PRDM6: variants seen among roughly 807,000 people sequenced by gnomAD.
PRDM6 encodes the protein PR/SET domain 6, also known as putative histone-lysine N-methyltransferase PRDM6.
Under a neutral mutation model 60.8 loss-of-function variants are expected in PRDM6, and 25 were observed. The ratio of observed to expected loss-of-function variants is 0.41; its 90% CI spans 0.30 to 0.57. PRDM6 has a LOEUF of 0.57. Ranked by LOEUF, PRDM6 falls within the 20% of genes least tolerant of loss-of-function variation. PRDM6 has a pLI of 0.27. For missense variants in PRDM6, 839 were observed against 821.3 expected, an observed-to-expected ratio of 1.02 and a Z score of -0.26; for synonymous variants, 407 against 357.4, an observed-to-expected ratio of 1.14 and a Z score of -1.57.
chr5:123,159,413 T>C, intron 4 of PRDM6, 101 bp from the exon 5 acceptor site: 1 of 1,305,418 alleles, frequency 7.7e-7, no homozygotes, highest in Admixed American at 2.6e-5. Context: ...AGAAACTGTT[T>C]AGATGGAGCT....
At chr5:123,186,781 C>G (rs569314580) in intron 7 of PRDM6, among the ~76,000 whole-genome samples, 120 of 152,346 alleles carry the variant, frequency 7.9e-4, no homozygotes, top group Non-Finnish European at 1.4e-3. Context: ...TGATGGCTCA[C>G]TCCTAAAAAT....
In PRDM6 at chr5:123,166,169, C is replaced by T. The variant is rs6865712; in HGVS notation, c.1154-4597C>T. On this transcript the variant is annotated intron_variant, in intron 5 of 7. Coordinates refer to ENST00000407847, the MANE Select transcript of PRDM6 (RefSeq NM_001136239.4). ...TTCCTCTCAAGCCTCGGCTGCAGCC[C>T]ATCTCCTCTTCTCTCTCTGGCCACA... Among the ~76,000 whole-genome samples, 880 of 151,900 alleles carry T rather than the reference C, an allele frequency of 5.8e-3. 8 individuals are homozygous for T. Among genetic ancestry groups the T allele is most frequent in the African/African-American group, 0.02 (843 of 41,420 alleles).
At chr5:123,101,203 T>C (rs1764095621) in intron 3 of PRDM6, among the ~76,000 whole-genome samples, 1 of 152,136 alleles carries the variant, frequency 6.6e-6, no homozygotes, top group Admixed American at 6.6e-5. Context: ...TATTAGGCCA[T>C]GGAGATACAG....
At chr5:123,101,733 T>A (rs910011255) in intron 3 of PRDM6, among the ~76,000 whole-genome samples, 2 of 152,232 alleles carry the variant, frequency 1.3e-5, no homozygotes, top group African/African-American at 4.8e-5. Context: ...TGTGGGTTTT[T>A]TCCCCCCCAG....
intron 6 of PRDM6, among the ~76,000 whole-genome samples, chr5:123,174,517 G>C (rs1245491637): frequency 6.6e-6 from 1 of 152,220 alleles, no homozygotes; most frequent in African/African-American, 2.4e-5. Flanking sequence ...GTCCAAATTT[G>C]AAACAGGCCC....
intron 5 of PRDM6, among the ~76,000 whole-genome samples, chr5:123,166,840 A>G (rs1765763054): frequency 6.6e-6 from 1 of 152,236 alleles, no homozygotes; most frequent in Non-Finnish European, 1.5e-5. Flanking sequence ...TGTATCCTTT[A>G]AGGCTTTGAG....
intron 2 of PRDM6, 24 bp downstream of exon 2, chr5:123,090,630 T>A: frequency 7.4e-7 from 1 of 1,358,976 alleles, no homozygotes; most frequent in Non-Finnish European, 9.6e-7. Flanking sequence ...GCCCGCGCGC[T>A]CTCTCCCGGG....
At chr5:123,104,920 G>A (rs572229746) in intron 3 of PRDM6, among the ~76,000 whole-genome samples, 3 of 152,150 alleles carry the variant, frequency 2.0e-5, no homozygotes, top group Admixed American at 1.3e-4. Flanking sequence ...TGGTCCTTTT[G>A]GTTTATGTAT....
intron 7 of PRDM6, among the ~76,000 whole-genome samples, chr5:123,180,919 A>C (rs1457623769): frequency 6.6e-6 from 1 of 152,342 alleles, no homozygotes. Flanking sequence ...CCCAGAGTAC[A>C]TTGACTTTTT....
chr5:123,148,368 A>G (rs1019462618), intron 3 of PRDM6, among the ~76,000 whole-genome samples: 2 of 152,208 alleles, frequency 1.3e-5, no homozygotes, highest in Admixed American at 1.3e-4. Flanking sequence ...AGACATTCCA[A>G]AATATTCCAG....
intron 6 of PRDM6, 24 bp downstream of exon 6, chr5:123,171,132 CAG>C: frequency 2.4e-5 from 36 of 1,501,798 alleles, no homozygotes; most frequent in Non-Finnish European, 3.1e-5. Flanking sequence ...TCACTGCTGA[CAG>C]TGTGTTTGCT....
intron 3 of PRDM6, among the ~76,000 whole-genome samples, chr5:123,131,961 T>C (rs1275105554): frequency 6.6e-6 from 1 of 152,186 alleles, no homozygotes; most frequent in Non-Finnish European, 1.5e-5. Context: ...AAAGACAAAA[T>C]GGAAATAGTA....
chr5:123,186,194 A>G (rs1323814529), intron 7 of PRDM6, among the ~76,000 whole-genome samples: 1 of 152,170 alleles, frequency 6.6e-6, no homozygotes, highest in East Asian at 1.9e-4. Context: ...CACAATCACA[A>G]TCAGCCAGGG....
At chr5:123,133,606 A>C (rs1231744578) in intron 3 of PRDM6, among the ~76,000 whole-genome samples, 1 of 152,048 alleles carries the variant, frequency 6.6e-6, no homozygotes, top group Non-Finnish European at 1.5e-5. Context: ...TACAACCAAT[A>C]GTGTGTTTGT....
At chr5:123,158,415 T>C (rs896717840) in intron 4 of PRDM6, among the ~76,000 whole-genome samples, 37 of 152,212 alleles carry the variant, frequency 2.4e-4, no homozygotes, top group Admixed American at 1.3e-4. Context: ...TTTTGTCAGA[T>C]ATTCATAGAA....
chr5:123,090,021 A>G lies in PRDM6; in HGVS notation c.7A>G (p.Lys3Glu). Residue 3 changes from lysine (K) to glutamate (E), a missense_variant, in exon 2 of 8, where the codon AAG (lysine) becomes GAG (glutamate). This residue lies in a region of PRDM6 where 730 missense variants were observed against 648.8 expected (regional missense o/e 1.13). Transcript: ENST00000407847. ML[K>E]PGDPGGSAFL... Reference sequence around the variant, plus strand: ...CCAGTTCGAGGCGCCGGACATGCTGAAGCCCGGAGACCCCGGCGGTTCGGC... The same window carrying G: ...CCAGTTCGAGGCGCCGGACATGCTGGAGCCCGGAGACCCCGGCGGTTCGGC... 6.5e-7 allele frequency: 1 copy of G among 1,547,308 alleles called. No homozygotes were observed. Among genetic ancestry groups the G allele is most frequent in the Non-Finnish European group, 8.7e-7 (1 of 1,145,476 alleles).
rs1444345145 is a variant in PRDM6 at position 123,189,216 on chromosome 5, A to G, written c.*2015A>G. 6.6e-6 allele frequency: 1 copy of G among 152,254 alleles called. No individual in the cohort carries two copies. Among genetic ancestry groups the G allele is most frequent in the Non-Finnish European group, 1.5e-5 (1 of 68,050 alleles). 9.4% of individuals were successfully genotyped at this position (152,254 alleles called of 1,614,324 possible). A position where few individuals can be genotyped will look rare whatever the true frequency, so the allele number is the denominator to read the frequency against. On this transcript the variant is annotated 3_prime_UTR_variant, in exon 8 of 8. Transcript: ENST00000407847. ...TGGGAAGTGTGAATGAAATGTAGCC[A>G]TATTAACCTGAAACCTGCAAGAAAA...
intron 3 of PRDM6, among the ~76,000 whole-genome samples, chr5:123,122,201 C>T (rs1474730260): frequency 6.7e-6 from 1 of 149,504 alleles, no homozygotes; most frequent in Non-Finnish European, 1.5e-5. Context: ...TCCTGAGTCT[C>T]ACCTGTAACC....
rs1765485358 is a variant in PRDM6, at chr5:123,155,897, A to T, written c.914A>T (p.Asp305Val). The change falls in exon 4 of 8, where the codon GAT (aspartate) becomes GTT (valine). Residue 305 changes from aspartate (D) to valine (V), a missense_variant. By Grantham distance (152) the Asp-to-Val change is radical. This residue lies in a region of PRDM6 where 730 missense variants were observed against 648.8 expected (regional missense o/e 1.13). Transcript: ENST00000407847. Reference protein sequence around the residue: ...TQHLWEIYDQDGTLQHFIDGG... With the variant: ...TQHLWEIYDQVGTLQHFIDGG... ...CCTCTTCTCCAGATATATGACCAGG[A>T]TGGGACACTACAGCACTTTATTGAT... 1 of 1,551,446 alleles carries T rather than the reference A, an allele frequency of 6.4e-7. No homozygotes were observed. The highest frequency in any genetic ancestry group is 2.4e-5 in the East Asian group (1 of 40,912).
Sources: allele counts gnomAD v4.1 joint callset (sites outside exome capture counted in the v4.1 genomes callset), GRCh38; gene constraint gnomAD v4.1.1; regional missense constraint gnomAD v4.1.1; transcripts MANE v1.5; gene names NCBI Gene and HGNC (gene_info 2026-07-23, HGNC 2026-07-21).